ASXL3: variants seen among roughly 807,000 people sequenced by gnomAD.
The protein encoded by ASXL3 is putative Polycomb group protein ASXL3.
Under a neutral mutation model 170.6 loss-of-function variants are expected in ASXL3, and 34 were observed. The observed-to-expected ratio is 0.20, with a 90% CI of 0.15 to 0.27. ASXL3 has a LOEUF of 0.27. ASXL3 is among the 10% of genes least tolerant of loss of function. ASXL3 has a pLI of 1.00. For missense variants in ASXL3, 2,592 were observed against 2,695.3 expected (o/e 0.96, Z 0.85); for synonymous variants, 1,002 against 989.1 (o/e 1.01, Z -0.24).
At chr18:33,658,613 A>G (rs1038645896) in intron 4 of ASXL3, among the ~76,000 whole-genome samples, 2 of 152,116 alleles carry the variant, frequency 1.3e-5, no homozygotes, top group African/African-American at 4.8e-5. Flanking sequence ...ACCCAAAGGA[A>G]CAATCACATA....
intron 8 of ASXL3, among the ~76,000 whole-genome samples, chr18:33,724,464 G>C (rs2145379469): frequency 6.6e-6 from 1 of 152,120 alleles, no homozygotes; most frequent in Non-Finnish European, 1.5e-5. Flanking sequence ...TCTCTAGCAT[G>C]GGGAAATTCA....
intron 8 of ASXL3, among the ~76,000 whole-genome samples, chr18:33,727,014 T>C (rs1446562398): frequency 6.6e-6 from 1 of 152,210 alleles, no homozygotes; most frequent in Non-Finnish European, 1.5e-5. Flanking sequence ...TCTGCTCAAA[T>C]GTCTCTTATT....
At chr18:33,641,176 T>C (rs1275812837) in intron 2 of ASXL3, among the ~76,000 whole-genome samples, 1 of 152,122 alleles carries the variant, frequency 6.6e-6, no homozygotes, top group African/African-American at 2.4e-5. Flanking sequence ...TCACTGTCGG[T>C]AAAATTGTGT....
chr18:33,628,869 G>A lies in ASXL3; in HGVS notation c.138-16025G>A, dbSNP rs143445579. 5.9e-3 allele frequency among the ~76,000 whole-genome samples: 891 copies of A among 152,156 alleles called. 8 individuals carry two copies. Among genetic ancestry groups the A allele is most frequent in the African/African-American group, 0.021 (851 of 41,512 alleles). On this transcript the variant is annotated intron_variant, in intron 2 of 11. Transcript: ENST00000269197. Reference sequence around the variant, plus strand: ...GTAACTTGTCTGGATTTCAGTAAATGGTTGTTTTCATCTTTGGATGGAGTT... The same window carrying A: ...GTAACTTGTCTGGATTTCAGTAAATAGTTGTTTTCATCTTTGGATGGAGTT...
chr18:33,580,773 G>T (rs935246565), intron 1 of ASXL3, among the ~76,000 whole-genome samples: 3 of 152,140 alleles, frequency 2.0e-5, no homozygotes, highest in Non-Finnish European at 4.4e-5. Flanking sequence ...ACAAAAGAAC[G>T]ATAGACCAGA....
rs531295129 is a variant in ASXL3 at position 33,742,396 on chromosome 18, C to CAA, written c.3040-490_3040-489dup. ...GTACACAATGATTAGCCTAGGATCA[C>CAA]AAAGTTCCTTTGTGTAAAGTCAAAA... On this transcript the variant is annotated intron_variant, in intron 11 of 11. Coordinates refer to ENST00000269197, the MANE Select transcript of ASXL3 (RefSeq NM_030632.3). 1.9e-3 allele frequency among the ~76,000 whole-genome samples: 287 copies of CAA among 152,076 alleles called. 3 individuals are homozygous for CAA. Among genetic ancestry groups the CAA allele is most frequent in the African/African-American group, 5.9e-3 (246 of 41,356 alleles).
At position 33,604,399 on chromosome 18, in the gene ASXL3, C is replaced by T. The variant is rs200620903; in HGVS notation, c.55-3195C>T. Reference sequence around the variant, plus strand: ...TTAAGTGGAATGATGTATAAAATTCCTCGGAATTTAATTAGATGTTTCGTT... The same window carrying T: ...TTAAGTGGAATGATGTATAAAATTCTTCGGAATTTAATTAGATGTTTCGTT... On this transcript the variant is annotated intron_variant, in intron 1 of 11. Transcript: ENST00000269197. Among the ~76,000 whole-genome samples, 19 of 152,020 alleles carry T rather than the reference C, an allele frequency of 1.2e-4. No homozygotes were observed. In the East Asian group the frequency reaches 3.5e-3, roughly 28 times the overall value.
At chr18:33,719,759 G>T (rs1599539818) in intron 8 of ASXL3, among the ~76,000 whole-genome samples, 1 of 151,912 alleles carries the variant, frequency 6.6e-6, no homozygotes, top group East Asian at 1.9e-4. Context: ...TTCCACCATG[G>T]AGGCAACAGC....
Position 33,732,009 on chromosome 18 carries a change from A to G in ASXL3, c.921A>G (p.Leu307=). 1 of 1,612,972 alleles carries G rather than the reference A, an allele frequency of 6.2e-7. No homozygotes were observed. The highest frequency in any genetic ancestry group is 8.5e-7 in the Non-Finnish European group (1 of 1,179,576). ...TTTTACGCCTCAGTACTTCAGCTCT[A>G]AATAATGAATTCTTTGCATATGCAG... ...DGILRLSTSA[L]NNEFFAYAAQ... is the part of the protein sequence containing the mutation. Residue 307 remains leucine (L), a synonymous_variant, in exon 9 of 12, where the codon CTA becomes CTG. Coordinates refer to ENST00000269197, the MANE Select transcript of ASXL3 (RefSeq NM_030632.3).
intron 2 of ASXL3, among the ~76,000 whole-genome samples, chr18:33,638,148 A>T (rs977975773): frequency 1.4e-5 from 2 of 147,972 alleles, no homozygotes; most frequent in Non-Finnish European, 3.0e-5. Flanking sequence ...TATATATATA[A>T]TACACGCACA....
chr18:33,630,475 ACCT>A (rs2065661125), intron 2 of ASXL3, among the ~76,000 whole-genome samples: 1 of 151,986 alleles, frequency 6.6e-6, no homozygotes, highest in Non-Finnish European at 1.5e-5. Context: ...TGGACAAAGT[ACCT>A]TGAGAATATA....
chr18:33,580,897 A>G (rs2064985921), intron 1 of ASXL3, among the ~76,000 whole-genome samples: 2 of 152,180 alleles, frequency 1.3e-5, no homozygotes, highest in South Asian at 2.1e-4. Context: ...AAAATGTGCC[A>G]GTTAAAATCA....
Position 33,726,230 on chromosome 18 carries a change from A to G in ASXL3, c.880-5738A>G, listed in dbSNP as rs144359138. Among the ~76,000 whole-genome samples the G allele has an allele frequency of 1.7e-3, 256 of 152,258 alleles. 1 individual carries two copies. The highest frequency in any genetic ancestry group is 5.8e-3 in the African/African-American group (241 of 41,578). On this transcript the variant is annotated intron_variant, in intron 8 of 11. Coordinates refer to ENST00000269197, the MANE Select transcript of ASXL3 (RefSeq NM_030632.3). Reference sequence around the variant, plus strand: ...CTCTTTCATACCACACATTTAATCTATCATCAAATTATGCTGGCTCAACCT... The same window carrying G: ...CTCTTTCATACCACACATTTAATCTGTCATCAAATTATGCTGGCTCAACCT...
intron 1 of ASXL3, among the ~76,000 whole-genome samples, chr18:33,596,698 T>C (rs1445760417): frequency 6.6e-6 from 1 of 152,224 alleles, no homozygotes; most frequent in East Asian, 1.9e-4. Flanking sequence ...TCTTCCTGTA[T>C]TTTATTTTCT....
intron 4 of ASXL3, 112 bp from the exon 5 acceptor site, chr18:33,661,504 G>A (rs754135328): frequency 1.1e-6 from 1 of 941,286 alleles, no homozygotes; most frequent in Non-Finnish European, 1.6e-6. Flanking sequence ...GTGCTATTTT[G>A]CTTTATTTTA....
chr18:33,633,860 AAAAAATT>A (rs2065724236), intron 2 of ASXL3, among the ~76,000 whole-genome samples: 1 of 151,692 alleles, frequency 6.6e-6, no homozygotes, highest in East Asian at 1.9e-4. Context: ...AAAAAAAAAA[AAAAAATT>A]CAAGTAACAA....
intron 1 of ASXL3, among the ~76,000 whole-genome samples, chr18:33,582,562 A>G (rs1302230322): frequency 1.3e-5 from 2 of 151,914 alleles, no homozygotes; most frequent in African/African-American, 2.4e-5. Context: ...ATTCCTTACA[A>G]TCTTTGTTTA....
At chr18:33,582,850 T>C (rs926847875) in intron 1 of ASXL3, among the ~76,000 whole-genome samples, 1 of 152,126 alleles carries the variant, frequency 6.6e-6, no homozygotes, top group African/African-American at 2.4e-5. Context: ...GCAGGGTTAC[T>C]GAAGGTTTTA....
intron 1 of ASXL3, among the ~76,000 whole-genome samples, chr18:33,600,727 A>G (rs766081946): frequency 6.6e-6 from 1 of 152,162 alleles, no homozygotes; most frequent in South Asian, 2.1e-4. Flanking sequence ...TCTCAATTGC[A>G]TAGAATTTCA....
Sources: allele counts gnomAD v4.1 joint callset (sites outside exome capture counted in the v4.1 genomes callset), GRCh38; gene constraint gnomAD v4.1.1; transcripts MANE v1.5; gene names NCBI Gene and HGNC (gene_info 2026-07-23, HGNC 2026-07-21).